The following KCNIP4 variants were observed in gnomAD, a reference collection of about 807,000 sequenced individuals.
KCNIP4 encodes potassium voltage-gated channel interacting protein 4.
KCNIP4 carries 12 observed loss-of-function variants against 34.0 expected under a neutral mutation model. That is an observed-to-expected ratio of 0.35 (90% CI 0.23 to 0.57). The LOEUF (loss-of-function observed/expected upper bound fraction) is 0.57, where lower values mean the gene tolerates loss of function less well. Ranked by LOEUF, KCNIP4 falls within the 20% of genes least tolerant of loss-of-function variation. The pLI is 0.83. For synonymous variants in KCNIP4, 124 were observed against 102.2 expected, an observed-to-expected ratio of 1.21 and a Z score of -1.29; for missense variants, 238 against 311.7, an observed-to-expected ratio of 0.76 and a Z score of 1.78.
intron 3 of KCNIP4, among the ~76,000 whole-genome samples, chr4:20,800,681 G>C (rs1264462440): frequency 6.6e-6 from 1 of 152,058 alleles, no homozygotes; most frequent in Non-Finnish European, 1.5e-5. Flanking sequence ...AGCAAACAAA[G>C]GAAAGATTCT....
chr4:21,429,362 G>A (rs1438980404), intron 1 of KCNIP4, among the ~76,000 whole-genome samples: 1 of 147,402 alleles, frequency 6.8e-6, no homozygotes, highest in African/African-American at 2.5e-5. Flanking sequence ...TTGCCTGGAT[G>A]CACCACAGTT....
chr4:21,184,428 T>C (rs1236116785), intron 1 of KCNIP4, among the ~76,000 whole-genome samples: 2 of 152,184 alleles, frequency 1.3e-5, no homozygotes, highest in Admixed American at 6.6e-5. Flanking sequence ...AAATGTTTTA[T>C]AGGAGATTGC....
At position 20,834,844 on chromosome 4, in the gene KCNIP4, A is replaced by G. The variant is rs116846014; in HGVS notation, c.288+15699T>C. 4.9e-4 allele frequency among the ~76,000 whole-genome samples: 75 copies of G among 152,284 alleles called. No individual in the cohort carries two copies. In the East Asian group the frequency reaches 0.015, roughly 30 times the overall value. On this transcript the variant is annotated intron_variant, in intron 3 of 8. Transcript: ENST00000382152. ...TGTGTCATGAAATTGAAAGAAGCCCAAGAGAGTTGCGCCATAGAGAATGAG... is the reference window on the plus strand; with the variant it reads ...TGTGTCATGAAATTGAAAGAAGCCCGAGAGAGTTGCGCCATAGAGAATGAG...
intron 1 of KCNIP4, among the ~76,000 whole-genome samples, chr4:21,391,784 G>A (rs1264438497): frequency 6.6e-6 from 1 of 152,134 alleles, no homozygotes; most frequent in Non-Finnish European, 1.5e-5. Flanking sequence ...CTTGTCCCCT[G>A]CAATCACATT....
intron 1 of KCNIP4, among the ~76,000 whole-genome samples, chr4:21,121,733 T>C (rs1319074068): frequency 6.6e-6 from 1 of 152,200 alleles, no homozygotes; most frequent in Non-Finnish European, 1.5e-5. Flanking sequence ...GCCCAAAACA[T>C]AACCTTTTGC....
intron 1 of KCNIP4, among the ~76,000 whole-genome samples, chr4:21,016,674 T>A (rs1289215297): frequency 6.6e-6 from 1 of 151,760 alleles, no homozygotes; most frequent in Non-Finnish European, 1.5e-5. Flanking sequence ...GTGCAGTGGT[T>A]CAATCTCAGC....
intron 1 of KCNIP4, among the ~76,000 whole-genome samples, chr4:21,799,879 C>A (rs1388253287): frequency 6.6e-6 from 1 of 152,182 alleles, no homozygotes; most frequent in Non-Finnish European, 1.5e-5. Flanking sequence ...CACATCCACT[C>A]ATTTCCTTAT....
chr4:21,614,015 G>A (rs1468645594), intron 1 of KCNIP4, among the ~76,000 whole-genome samples: 5 of 151,920 alleles, frequency 3.3e-5, no homozygotes, highest in South Asian at 2.1e-4. Context: ...GCCAGGCGTG[G>A]TAGCATGCAC....
chr4:21,704,443 A>T (rs114127272), intron 1 of KCNIP4, among the ~76,000 whole-genome samples: 1,551 of 152,252 alleles, frequency 0.01, 15 homozygotes, highest in South Asian at 0.031. Flanking sequence ...GTGAAAGTGA[A>T]ATATGCAAAC....
chr4:21,209,822 C>A (rs913154645), intron 1 of KCNIP4, among the ~76,000 whole-genome samples: 1 of 152,066 alleles, frequency 6.6e-6, no homozygotes, highest in Non-Finnish European at 1.5e-5. Flanking sequence ...GAGTTTAATC[C>A]TCCACCAAAT....
intron 1 of KCNIP4, among the ~76,000 whole-genome samples, chr4:21,813,151 TC>T (rs1172042561): frequency 6.6e-6 from 1 of 152,104 alleles, no homozygotes; most frequent in East Asian, 1.9e-4. Context: ...GAAAAATAAG[TC>T]CCTTTCATTT....
intron 1 of KCNIP4, among the ~76,000 whole-genome samples, chr4:21,063,814 G>C (rs1744129083): frequency 6.6e-6 from 1 of 152,072 alleles, no homozygotes. Context: ...TTAGAGATTT[G>C]AGGGGAAGTA....
At chr4:21,625,844 A>G (rs1745283032) in intron 1 of KCNIP4, among the ~76,000 whole-genome samples, 1 of 152,108 alleles carries the variant, frequency 6.6e-6, no homozygotes, top group Non-Finnish European at 1.5e-5. Flanking sequence ...TCAAATACCA[A>G]TTTATAAAGC....
intron 1 of KCNIP4, among the ~76,000 whole-genome samples, chr4:21,579,587 T>C (rs1333882595): frequency 6.6e-6 from 1 of 152,128 alleles, no homozygotes; most frequent in African/African-American, 2.4e-5. Flanking sequence ...TAACTCTACA[T>C]TCAGAATTCT....
Position 20,890,997 on chromosome 4 carries a change from C to T in KCNIP4, c.62-8288G>A, listed in dbSNP as rs529851440. ...GTCAGTGTCATGTGTCAGTGCTGAG[C>T]GATGGGCCATGAATTATGAATTCAA... On this transcript the variant is annotated intron_variant, in intron 1 of 8. Transcript: ENST00000382152. 4.8e-4 allele frequency among the ~76,000 whole-genome samples: 73 copies of T among 152,234 alleles called. 1 individual carries two copies. Among genetic ancestry groups the T allele is most frequent in the South Asian group, 3.1e-3 (15 of 4,824 alleles).
chr4:21,517,142 A>T (rs1004754649), intron 1 of KCNIP4, among the ~76,000 whole-genome samples: 2 of 152,156 alleles, frequency 1.3e-5, no homozygotes, highest in Non-Finnish European at 2.9e-5. Context: ...TCTAACATAG[A>T]TAAAGGGGTT....
At chr4:21,290,763 G>GCAGC (rs1333557804) in intron 1 of KCNIP4, among the ~76,000 whole-genome samples, 2 of 152,098 alleles carry the variant, frequency 1.3e-5, no homozygotes, top group East Asian at 3.9e-4. Context: ...CCTAAAAGAG[G>GCAGC]CAGCCAGGAA....
At chr4:21,845,185 C>A (rs1232215086) in intron 1 of KCNIP4, 1 of 152,010 alleles carries the variant, frequency 6.6e-6, no homozygotes, top group African/African-American at 2.4e-5. Context: ...AGAGGGTTGG[C>A]AAATTGCTTC....
At chr4:21,609,583 G>A (rs1175631852) in intron 1 of KCNIP4, among the ~76,000 whole-genome samples, 1 of 152,146 alleles carries the variant, frequency 6.6e-6, no homozygotes, top group Non-Finnish European at 1.5e-5. Context: ...TAGATTTGAA[G>A]GGGATCTTTA....
Sources: allele counts gnomAD v4.1 joint callset (sites outside exome capture counted in the v4.1 genomes callset), GRCh38; gene constraint gnomAD v4.1.1; transcripts MANE v1.5; gene names NCBI Gene and HGNC (gene_info 2026-07-23, HGNC 2026-07-21).